Variants in CHD7 observed in about 807,000 individuals in gnomAD.
The protein encoded by CHD7 is ATP-dependent chromatin remodeler CHD7.
In CHD7, 24 loss-of-function variants were observed where a neutral mutation model predicts 307.3. That is an observed-to-expected ratio of 0.08 (90% CI 0.06 to 0.11). The LOEUF is 0.11. Among genes scored for constraint, CHD7 ranks in the 10% least tolerant of loss-of-function variants. The pLI, the probability that CHD7 is intolerant of heterozygous loss-of-function variation, is 1.00. For missense variants in CHD7, 3,106 were observed against 3,727.1 expected (o/e 0.83, Z 4.34); for synonymous variants, 1,363 against 1,349.9 (o/e 1.01, Z -0.21).
intron 1 of CHD7, among the ~76,000 whole-genome samples, chr8:60,705,930 G>T (rs543359985): frequency 8.9e-4 from 136 of 152,236 alleles, no homozygotes; most frequent in Non-Finnish European, 1.6e-3. Context: ...ATATAGAAAA[G>T]GTGGCATTTT....
chr8:60,748,228 C>A (rs952485562), intron 2 of CHD7, among the ~76,000 whole-genome samples: 3 of 151,922 alleles, frequency 2.0e-5, no homozygotes, highest in African/African-American at 7.3e-5. Flanking sequence ...TTTCTGGGGG[C>A]AGTGATGTCT....
At chr8:60,793,630 T>G (rs558138163) in intron 3 of CHD7, among the ~76,000 whole-genome samples, 2 of 152,248 alleles carry the variant, frequency 1.3e-5, no homozygotes, top group Non-Finnish European at 2.9e-5. Context: ...ACATGCTGTT[T>G]AATGCATTCT....
intron 21 of CHD7, 24 bp downstream of exon 21, chr8:60,842,076 A>G (rs768526489): frequency 3.2e-6 from 5 of 1,561,560 alleles, no homozygotes; most frequent in Non-Finnish European, 4.4e-6. Context: ...ACTACGTAAG[A>G]TAGAATTTTA....
At chr8:60,848,696 C>T in intron 24 of CHD7, 92 bp downstream of exon 24, 17 of 939,752 alleles carry the variant, frequency 1.8e-5, no homozygotes, top group Non-Finnish European at 2.7e-5. Flanking sequence ...CCTTCATAAA[C>T]CACTAGTAAC....
chr8:60,781,060 C>A lies in CHD7; in HGVS notation c.1726C>A (p.Pro576Thr). ...GCCGGATATGACTCAGGTTAGTGGACCGAATGCTCAGCTAGTGAAGAGTGA... is the reference window on the plus strand; with the variant it reads ...GCCGGATATGACTCAGGTTAGTGGAACGAATGCTCAGCTAGTGAAGAGTGA... ...PVPDMTQVSG[P>T]NAQLVKSDDY... Residue 576 changes from proline (P) to threonine (T), a missense_variant, in exon 3 of 38, where the codon CCG (proline) becomes ACG (threonine). This residue lies in a region of CHD7 where 998 missense variants were observed against 1,004.5 expected (regional missense o/e 0.99). Coordinates refer to ENST00000423902, the MANE Select transcript of CHD7 (RefSeq NM_017780.4). The A allele has an allele frequency of 6.2e-7, 1 of 1,609,698 alleles. No homozygotes were observed. Among genetic ancestry groups the A allele is most frequent in the Non-Finnish European group, 8.5e-7 (1 of 1,178,514 alleles).
chr8:60,834,040 C>T (rs1804640260), intron 15 of CHD7, among the ~76,000 whole-genome samples: 1 of 152,088 alleles, frequency 6.6e-6, no homozygotes, highest in South Asian at 2.1e-4. Context: ...TCAGAAGTAG[C>T]TTTTGTCAGG....
At chr8:60,842,112 C>T (rs1347680945) in intron 21 of CHD7, 60 bp downstream of exon 21, 7 of 1,370,652 alleles carry the variant, frequency 5.1e-6, no homozygotes, top group Non-Finnish European at 7.1e-6. Flanking sequence ...GAATTCCCAA[C>T]TGGTAGAGAA....
chr8:60,726,402 A>G (rs1293054552), intron 1 of CHD7, among the ~76,000 whole-genome samples: 5 of 152,228 alleles, frequency 3.3e-5, no homozygotes, highest in South Asian at 2.1e-4. Context: ...CACGTAGCCT[A>G]GTTTAATATT....
Position 60,862,201 on chromosome 8 carries a change from T to G in CHD7, c.7836T>G (p.Asn2612Lys), listed in dbSNP as rs1806030033. ...TVDMPSYVPKNADVLFSSFQK... is the reference protein window; with the variant it reads ...TVDMPSYVPKKADVLFSSFQK... ...ATATGTTTTTTCTTTTGCAGAAGAA[T>G]GCAGATGTGCTGTTTTCCTCATTTC... Residue 2612 changes from asparagine to lysine, a missense_variant, in exon 36 of 38, where the codon AAT becomes AAG. By Grantham distance (94) the Asn-to-Lys change is moderately conservative. Coordinates refer to ENST00000423902, the MANE Select transcript of CHD7 (RefSeq NM_017780.4). 4 of 1,608,666 alleles carry G rather than the reference T, an allele frequency of 2.5e-6. No homozygotes were observed. The highest frequency in any genetic ancestry group is 3.4e-6 in the Non-Finnish European group (4 of 1,177,196).
At chr8:60,733,465 C>T (rs1183295411) in intron 1 of CHD7, among the ~76,000 whole-genome samples, 2 of 152,162 alleles carry the variant, frequency 1.3e-5, no homozygotes, top group Non-Finnish European at 1.5e-5. Flanking sequence ...GTCTGCACTG[C>T]GGCAGCAGGT....
chr8:60,753,003 G>A (rs1809709249), intron 2 of CHD7, among the ~76,000 whole-genome samples: 1 of 152,188 alleles, frequency 6.6e-6, no homozygotes, highest in Admixed American at 6.5e-5. Context: ...AGAATATGCT[G>A]ACTTTGCTTT....
intron 1 of CHD7, chr8:60,679,634 G>A (rs1189049215): frequency 6.8e-6 from 1 of 147,568 alleles, no homozygotes; most frequent in South Asian, 1.8e-4. Context: ...CGGCGGCGGC[G>A]GCTCGGGGAC....
At chr8:60,686,993 C>A (rs1251502816) in intron 1 of CHD7, among the ~76,000 whole-genome samples, 1 of 152,180 alleles carries the variant, frequency 6.6e-6, no homozygotes, top group East Asian at 1.9e-4. Flanking sequence ...ACTGTCCAGG[C>A]TGGATTCTAA....
At position 60,828,656 on chromosome 8, in the gene CHD7, A is replaced by T; in HGVS notation, c.3379-7A>T. 6.3e-7 allele frequency: 1 copy of T among 1,595,016 alleles called. No individual in the cohort carries two copies. The highest frequency in any genetic ancestry group is 8.5e-7 in the Non-Finnish European group (1 of 1,171,950). ...TTTGGTTAGTGGCTTTCCTTGTGTT[A>T]CCTCAGGAACACAAAGTGCTGCTGA... On this transcript the variant is annotated splice_region_variant and splice_polypyrimidine_tract_variant and intron_variant, in intron 13 of 37. Coordinates refer to ENST00000423902, the MANE Select transcript of CHD7 (RefSeq NM_017780.4).
At chr8:60,831,106 A>C (rs567118793) in intron 15 of CHD7, among the ~76,000 whole-genome samples, 1 of 152,340 alleles carries the variant, frequency 6.6e-6, no homozygotes, top group Non-Finnish European at 1.5e-5. Flanking sequence ...TTTCTTAACT[A>C]AATTCATAGT....
chr8:60,732,266 G>A (rs1435283012), intron 1 of CHD7, among the ~76,000 whole-genome samples: 3 of 152,206 alleles, frequency 2.0e-5, no homozygotes, highest in East Asian at 3.8e-4. Flanking sequence ...TTTTTAAAAT[G>A]TAGAAGAATG....
At chr8:60,786,232 G>A (rs1811485871) in intron 3 of CHD7, among the ~76,000 whole-genome samples, 1 of 152,176 alleles carries the variant, frequency 6.6e-6, no homozygotes, top group Non-Finnish European at 1.5e-5. Context: ...GCCCCATTGT[G>A]GCCCTTCCTC....
intron 7 of CHD7, among the ~76,000 whole-genome samples, chr8:60,808,478 C>A (rs1440959385): frequency 6.6e-6 from 1 of 152,180 alleles, no homozygotes; most frequent in African/African-American, 2.4e-5. Context: ...TAAAAGTTGA[C>A]TAACTTCTGT....
chr8:60,716,171 G>A (rs909104280), intron 1 of CHD7, among the ~76,000 whole-genome samples: 2 of 152,228 alleles, frequency 1.3e-5, no homozygotes, highest in Non-Finnish European at 2.9e-5. Flanking sequence ...CCGGGTCCAA[G>A]TGGCCTTTTT....
Sources: gnomAD v4.1 joint callset for allele counts (sites outside exome capture counted in the v4.1 genomes callset) on GRCh38, gnomAD v4.1.1 for gene constraint, gnomAD v4.1.1 regional missense constraint, MANE v1.5 for transcripts, NCBI Gene and HGNC (gene_info 2026-07-23, HGNC 2026-07-21) for gene names.